SNCAIP: variants seen among roughly 807,000 people sequenced by gnomAD.
SNCAIP encodes synuclein alpha interacting protein.
Under a neutral mutation model 86.7 loss-of-function variants are expected in SNCAIP, and 43 were observed. That is an observed-to-expected ratio of 0.50 (90% CI 0.39 to 0.64). The LOEUF (loss-of-function observed/expected upper bound fraction) is 0.64, where lower values mean the gene tolerates loss of function less well. Ranked by LOEUF, SNCAIP falls within the 30% of genes least tolerant of loss-of-function variation. SNCAIP has a pLI of 0.00. For synonymous variants in SNCAIP, 417 were observed against 427.2 expected, an observed-to-expected ratio of 0.98 and a Z score of 0.29; for missense variants, 981 against 1,103.1, an observed-to-expected ratio of 0.89 and a Z score of 1.57.
At chr5:122,333,431 G>C (rs1489350283) in intron 1 of SNCAIP, among the ~76,000 whole-genome samples, 2 of 152,186 alleles carry the variant, frequency 1.3e-5, no homozygotes, top group African/African-American at 4.8e-5. Context: ...GCCTTGCATA[G>C]CCAATGCACA....
At position 122,423,637 on chromosome 5, in the gene SNCAIP, C is replaced by T. The variant is rs1174189982; in HGVS notation, c.900C>T (p.Gly300=). 1 of 1,613,054 alleles carries T rather than the reference C, an allele frequency of 6.2e-7. No individual in the cohort carries two copies. Among genetic ancestry groups the T allele is most frequent in the African/African-American group, 1.3e-5 (1 of 74,936 alleles). ...CCAAACCAGAAGAGCAGGTCAGTGG[C>T]CTAAACCGGACCAGCTCCCAAGGCC... The part of the protein sequence containing the change: ...AESKPEEQVS[G]LNRTSSQGPE... The change falls in exon 4 of 11, where the codon GGC becomes GGT. Residue 300 remains glycine, a synonymous_variant. Transcript: ENST00000261368.
intron 1 of SNCAIP, among the ~76,000 whole-genome samples, chr5:122,373,609 T>C (rs760044975): frequency 3.3e-5 from 5 of 152,234 alleles, no homozygotes; most frequent in Non-Finnish European, 5.9e-5. Context: ...TACAAGAAGA[T>C]GTATCACTGG....
intron 8 of SNCAIP, chr5:122,444,987 A>G (rs1476445330): frequency 6.0e-6 from 3 of 502,538 alleles, no homozygotes; most frequent in Non-Finnish European, 1.1e-5. Flanking sequence ...AAGCCAGTGG[A>G]CAAGGCGAGA....
intron 3 of SNCAIP, among the ~76,000 whole-genome samples, chr5:122,411,866 C>T (rs965786811): frequency 6.6e-6 from 1 of 152,132 alleles, no homozygotes; most frequent in African/African-American, 2.4e-5. Context: ...ACCTAGATAC[C>T]AGCCCATTGT....
chr5:122,403,657 T>TA (rs1487081424), intron 2 of SNCAIP, 136 bp from the exon 3 acceptor site: 12 of 796,540 alleles, frequency 1.5e-5, no homozygotes, highest in African/African-American at 3.4e-5. Context: ...CCATTTAGGG[T>TA]AAAATGAGAT....
intron 1 of SNCAIP, among the ~76,000 whole-genome samples, chr5:122,380,066 G>A (rs568652618): frequency 1.3e-5 from 2 of 151,914 alleles, no homozygotes; most frequent in East Asian, 3.9e-4. Context: ...AAATGAGTTA[G>A]GGAGGATTCC....
chr5:122,454,000 C>G (rs1349764905), intron 10 of SNCAIP, among the ~76,000 whole-genome samples: 2 of 152,132 alleles, frequency 1.3e-5, no homozygotes, highest in South Asian at 4.1e-4. Flanking sequence ...CTCAAATGAT[C>G]CACCTGCCTC....
chr5:122,463,342 G>T (rs1437662410), intron 10 of SNCAIP, 149 bp from the exon 11 acceptor site: 1 of 630,624 alleles, frequency 1.6e-6, no homozygotes, highest in African/African-American at 1.8e-5. Flanking sequence ...TACATGAAAA[G>T]AGAATAATTT....
chr5:122,380,312 T>C (rs1766416873), intron 1 of SNCAIP, among the ~76,000 whole-genome samples: 1 of 152,246 alleles, frequency 6.6e-6, no homozygotes, highest in Non-Finnish European at 1.5e-5. Context: ...TTCTAGATTT[T>C]CTAGTTTATT....
intron 10 of SNCAIP, among the ~76,000 whole-genome samples, chr5:122,455,142 C>G (rs1784488483): frequency 6.6e-6 from 1 of 152,168 alleles, no homozygotes; most frequent in East Asian, 1.9e-4. Flanking sequence ...TTAACCTATA[C>G]TTTATCATGG....
chr5:122,338,815 T>C (rs1757002561), intron 1 of SNCAIP, among the ~76,000 whole-genome samples: 1 of 152,232 alleles, frequency 6.6e-6, no homozygotes, highest in Admixed American at 6.5e-5. Context: ...TAAAATTCTT[T>C]GTGATCTAAA....
Position 122,425,505 on chromosome 5 carries a change from T to A in SNCAIP, c.1156T>A (p.Leu386Met), listed in dbSNP as rs766152761. 6.2e-7 allele frequency: 1 copy of A among 1,614,118 alleles called. No homozygotes were observed. Reference protein sequence around the residue: ...DCLNERNTEKLTPAGLAIKNG... With the variant: ...DCLNERNTEKMTPAGLAIKNG... Reference sequence around the variant, plus strand: ...CCTCAATGAGCGCAACACTGAGAAGTTGACTCCAGCAGGCCTGGCCATTAA... The same window carrying A: ...CCTCAATGAGCGCAACACTGAGAAGATGACTCCAGCAGGCCTGGCCATTAA... Residue 386 changes from leucine to methionine, a missense_variant, in exon 5 of 11, where the codon TTG becomes ATG. Leu to Met is a conservative substitution (Grantham distance 15). Transcript: ENST00000261368.
intron 1 of SNCAIP, among the ~76,000 whole-genome samples, chr5:122,316,684 C>T (rs1490864106): frequency 2.0e-5 from 3 of 152,162 alleles, no homozygotes; most frequent in Non-Finnish European, 2.9e-5. Context: ...CATCCAGACT[C>T]CTTCATTAAC....
chr5:122,415,683 C>G (rs1362074210), intron 3 of SNCAIP, among the ~76,000 whole-genome samples: 1 of 152,184 alleles, frequency 6.6e-6, no homozygotes, highest in African/African-American at 2.4e-5. Flanking sequence ...TAGATCAGCC[C>G]TGTAAAACAT....
intron 1 of SNCAIP, among the ~76,000 whole-genome samples, chr5:122,327,994 T>C (rs888268860): frequency 6.6e-6 from 1 of 152,166 alleles, no homozygotes; most frequent in African/African-American, 2.4e-5. Flanking sequence ...GGGTATTCAC[T>C]AGGCAGAAAA....
At chr5:122,451,630 T>C in intron 10 of SNCAIP, 29 bp downstream of exon 10, 2 of 1,449,348 alleles carry the variant, frequency 1.4e-6, no homozygotes, top group Non-Finnish European at 1.9e-6. Context: ...ATATTCTTTT[T>C]TTTCCTTCAA....
chr5:122,423,868 G>A, intron 4 of SNCAIP, 129 bp downstream of exon 4: 1 of 780,788 alleles, frequency 1.3e-6, no homozygotes, highest in African/African-American at 1.7e-5. Flanking sequence ...TGTGGCTTTA[G>A]TTGGGAGATG....
chr5:122,385,607 A>T (rs1256417741), intron 1 of SNCAIP, among the ~76,000 whole-genome samples: 1 of 151,822 alleles, frequency 6.6e-6, no homozygotes, highest in Non-Finnish European at 1.5e-5. Flanking sequence ...CCCAATATCG[A>T]TGTTCAGGCT....
chr5:122,416,786 C>G (rs769235796), intron 3 of SNCAIP, among the ~76,000 whole-genome samples: 1 of 152,150 alleles, frequency 6.6e-6, no homozygotes, highest in Admixed American at 6.5e-5. Flanking sequence ...TTAATACTCC[C>G]AATCATTCAT....
Sources: allele counts gnomAD v4.1 joint callset (sites outside exome capture counted in the v4.1 genomes callset), GRCh38; gene constraint gnomAD v4.1.1; transcripts MANE v1.5; gene names NCBI Gene and HGNC (gene_info 2026-07-23, HGNC 2026-07-21).